The following TM4SF4 variants were observed in gnomAD, a reference collection of about 807,000 sequenced individuals.
The protein encoded by TM4SF4 is transmembrane 4 L6 family member 4.
In TM4SF4, 24 loss-of-function variants were observed where a neutral mutation model predicts 24.1. The ratio of observed to expected loss-of-function variants is 1.00; its 90% CI spans 0.72 to 1.40. The LOEUF is 1.40. TM4SF4 is among the 40% of genes most tolerant of loss of function. TM4SF4 has a pLI of 0.00. For missense variants in TM4SF4, 254 were observed against 254.2 expected (o/e 1.00, Z 0.01); for synonymous variants, 113 against 97.0 (o/e 1.17, Z -0.97).
rs201798127 is a variant in TM4SF4, at chr3:149,498,922, G to C, written c.591+11G>C. On this transcript the variant is annotated intron_variant, in intron 4 of 4. Transcript: ENST00000305354. ...TGTGGCTGCTGTGGGGTAAGTTCAG[G>C]CTTTTGCTGTTTCTTCTCAGCATGA... The C allele has an allele frequency of 2.3e-3, 3,733 of 1,613,368 alleles. 3 individuals are homozygous for C. The highest frequency in any genetic ancestry group is 2.9e-3 in the Non-Finnish European group (3,440 of 1,179,520).
chr3:149,489,731 G>A (rs113174209), intron 3 of TM4SF4, among the ~76,000 whole-genome samples: 4 of 152,264 alleles, frequency 2.6e-5, no homozygotes, highest in African/African-American at 2.4e-5. Flanking sequence ...ATTGTGTATT[G>A]CTCTGTAATA....
chr3:149,482,268 TCTGC>T (rs1734046069), intron 2 of TM4SF4, among the ~76,000 whole-genome samples: 1 of 152,242 alleles, frequency 6.6e-6, no homozygotes, highest in Non-Finnish European at 1.5e-5. Flanking sequence ...TCCAGATCCA[TCTGC>T]CTGTAATCCA....
At position 149,481,301 on chromosome 3, in the gene TM4SF4, A is replaced by G. The variant is rs576005156; in HGVS notation, c.264+5389A>G. 1.2e-4 allele frequency among the ~76,000 whole-genome samples: 18 copies of G among 146,058 alleles called. No individual in the cohort carries two copies. In the South Asian group the frequency reaches 3.9e-3, roughly 31 times the overall value. On this transcript the variant is annotated intron_variant, in intron 2 of 4. Coordinates refer to ENST00000305354, the MANE Select transcript of TM4SF4 (RefSeq NM_004617.4). ...TAAGGGAAGTACCAACTAAGTGCCT[A>G]GGGTATGGAGGACACATAGATCCTC...
intron 4 of TM4SF4, among the ~76,000 whole-genome samples, chr3:149,500,842 G>A (rs1734405952): frequency 6.6e-6 from 1 of 151,960 alleles, no homozygotes; most frequent in African/African-American, 2.4e-5. Flanking sequence ...ATGGCAACAT[G>A]GTGAAACCCC....
intron 4 of TM4SF4, among the ~76,000 whole-genome samples, chr3:149,501,504 G>T (rs890160086): frequency 6.6e-6 from 1 of 152,154 alleles, no homozygotes; most frequent in Non-Finnish European, 1.5e-5. Context: ...TCTGTTTCTG[G>T]ACTCTTGGAA....
intron 2 of TM4SF4, among the ~76,000 whole-genome samples, chr3:149,481,665 A>G (rs997766441): frequency 1.3e-5 from 2 of 152,156 alleles, no homozygotes; most frequent in African/African-American, 4.8e-5. Context: ...AGGACACACC[A>G]TGTGTGGAGA....
At chr3:149,481,814 T>C (rs1734038127) in intron 2 of TM4SF4, among the ~76,000 whole-genome samples, 1 of 152,224 alleles carries the variant, frequency 6.6e-6, no homozygotes, top group Admixed American at 6.5e-5. Context: ...TTGCAGTGTA[T>C]GCTATATACA....
At chr3:149,479,046 C>T (rs530726683) in intron 2 of TM4SF4, among the ~76,000 whole-genome samples, 19 of 152,320 alleles carry the variant, frequency 1.2e-4, no homozygotes, top group African/African-American at 4.1e-4. Flanking sequence ...GGATTACAGG[C>T]GTGAGCCACT....
chr3:149,489,266 ACT>A (rs1734170659), intron 3 of TM4SF4, among the ~76,000 whole-genome samples: 1 of 151,844 alleles, frequency 6.6e-6, no homozygotes, highest in South Asian at 2.1e-4. Context: ...CTGACAGCTC[ACT>A]CTCTCCACCT....
chr3:149,500,296 A>G (rs1393174092), intron 4 of TM4SF4, among the ~76,000 whole-genome samples: 2 of 152,086 alleles, frequency 1.3e-5, no homozygotes, highest in Non-Finnish European at 2.9e-5. Context: ...TTAAATAATC[A>G]TTATTTCTAG....
chr3:149,488,424 T>C (rs1734157235), intron 3 of TM4SF4, among the ~76,000 whole-genome samples: 1 of 152,214 alleles, frequency 6.6e-6, no homozygotes, highest in African/African-American at 2.4e-5. Flanking sequence ...ACATTGTTAG[T>C]TGAGGACAGT....
At chr3:149,475,743 G>A (rs1439107610) in intron 1 of TM4SF4, 80 bp from the exon 2 acceptor site, 27 of 1,208,602 alleles carry the variant, frequency 2.2e-5, no homozygotes, top group Non-Finnish European at 2.2e-5. Flanking sequence ...ATTGTGGATG[G>A]GGCTCCTTAT....
chr3:149,491,137 T>C (rs187489103), intron 3 of TM4SF4, among the ~76,000 whole-genome samples: 28 of 151,808 alleles, frequency 1.8e-4, no homozygotes, highest in Admixed American at 1.6e-3. Context: ...TGGCTAGTAA[T>C]TAGTAAAAGG....
intron 3 of TM4SF4, among the ~76,000 whole-genome samples, chr3:149,497,949 T>C (rs943675226): frequency 6.6e-6 from 1 of 152,186 alleles, no homozygotes; most frequent in Non-Finnish European, 1.5e-5. Context: ...CCGGCCACAA[T>C]GCCCTTTATA....
Position 149,480,132 on chromosome 3 carries a change from T to C in TM4SF4, c.264+4220T>C, listed in dbSNP as rs1191751414. Among the ~76,000 whole-genome samples, 4 of 130,262 alleles carry C rather than the reference T, an allele frequency of 3.1e-5. No homozygotes were observed. The East Asian group carries it at 7.9e-4, about 26-fold the overall frequency. The allele number at this position is 130,262 out of a possible 152,430, so 85.5% of individuals were successfully genotyped here. ...GGAAAAGTGAGCCCTGGAGCAAAAATAGTAAGAACCCCGGCCTGGGTTTGT... is the reference window on the plus strand; with the variant it reads ...GGAAAAGTGAGCCCTGGAGCAAAAACAGTAAGAACCCCGGCCTGGGTTTGT... On this transcript the variant is annotated intron_variant, in intron 2 of 4. Transcript: ENST00000305354.
Position 149,485,838 on chromosome 3 carries a change from A to G in TM4SF4, c.265-1781A>G, listed in dbSNP as rs370677057. On this transcript the variant is annotated intron_variant, in intron 2 of 4. Transcript: ENST00000305354. Reference sequence around the variant, plus strand: ...AACAAAAAAACCTATGCATTATTGTATTAGAGGCATTGTGCTGTGATAGAA... The same window carrying G: ...AACAAAAAAACCTATGCATTATTGTGTTAGAGGCATTGTGCTGTGATAGAA... Among the ~76,000 whole-genome samples, 10 of 152,188 alleles carry G rather than the reference A, an allele frequency of 6.6e-5. No individual in the cohort carries two copies. In the East Asian group the frequency reaches 7.7e-4, roughly 12 times the overall value.
intron 2 of TM4SF4, among the ~76,000 whole-genome samples, 165 bp from the exon 3 acceptor site, chr3:149,487,454 C>G (rs1437007004): frequency 6.6e-6 from 1 of 152,068 alleles, no homozygotes; most frequent in Non-Finnish European, 1.5e-5. Context: ...AAGAAGACAC[C>G]AAAATTCATT....
chr3:149,479,646 G>T (rs1214142601), intron 2 of TM4SF4, among the ~76,000 whole-genome samples: 1 of 152,202 alleles, frequency 6.6e-6, no homozygotes, highest in Admixed American at 6.5e-5. Flanking sequence ...CCAGGCCCCA[G>T]CTCCTTCGGG....
chr3:149,479,930 A>G (rs1310220596), intron 2 of TM4SF4, among the ~76,000 whole-genome samples: 5 of 152,190 alleles, frequency 3.3e-5, no homozygotes, highest in African/African-American at 4.8e-5. Flanking sequence ...TAGGAGAAGC[A>G]GGATGTGGTG....
Sources: allele counts gnomAD v4.1 joint callset (sites outside exome capture counted in the v4.1 genomes callset), GRCh38; gene constraint gnomAD v4.1.1; transcripts MANE v1.5; gene names NCBI Gene and HGNC (gene_info 2026-07-23, HGNC 2026-07-21).